Variants in CASR observed in about 807,000 individuals in gnomAD.
CASR encodes calcium sensing receptor.
CASR carries 23 observed loss-of-function variants against 69.1 expected under a neutral mutation model. The observed-to-expected ratio is 0.33, with a 90% CI of 0.24 to 0.47. The LOEUF (loss-of-function observed/expected upper bound fraction) is 0.47. CASR is among the 20% of genes least tolerant of loss of function. CASR has a pLI of 1.00. For missense variants in CASR, 924 were observed against 1,356.1 expected (o/e 0.68, Z 5.00); for synonymous variants, 541 against 544.7 (o/e 0.99, Z 0.10).
intron 1 of CASR, among the ~76,000 whole-genome samples, chr3:122,218,902 G>C (rs2074144365): frequency 6.6e-6 from 1 of 152,172 alleles, no homozygotes; most frequent in Non-Finnish European, 1.5e-5. Flanking sequence ...AGTAACTCAG[G>C]AGGAGGTGAC....
At chr3:122,202,962 G>A (rs9822643) in intron 1 of CASR, among the ~76,000 whole-genome samples, 2,728 of 152,228 alleles carry the variant, frequency 0.018, 76 homozygotes, top group African/African-American at 0.062. Context: ...TCAAGGTCCC[G>A]GGTATGCATG....
intron 6 of CASR, among the ~76,000 whole-genome samples, chr3:122,282,802 C>T (rs577484418): frequency 1.8e-4 from 27 of 152,334 alleles, no homozygotes; most frequent in Non-Finnish European, 2.9e-4. Flanking sequence ...GATATTATCT[C>T]ATGTTATCCT....
intron 1 of CASR, among the ~76,000 whole-genome samples, chr3:122,227,452 G>A (rs1025073593): frequency 6.6e-6 from 1 of 152,214 alleles, no homozygotes; most frequent in African/African-American, 2.4e-5. Context: ...GGGGCTTGCG[G>A]GCCAGCCAGC....
rs370494011 is a variant in CASR at position 122,275,284 on chromosome 3, C to T, written c.1378-528C>T. 1.5e-4 allele frequency among the ~76,000 whole-genome samples: 23 copies of T among 152,320 alleles called. No homozygotes were observed. In the East Asian group the frequency reaches 2.5e-3, roughly 17 times the overall value. On this transcript the variant is annotated intron_variant, in intron 4 of 6. Transcript: ENST00000639785. ...GACTCTGACAACAATAATGGCCGGG[C>T]TTTGCCCACAGCCTCATCTCTTTCT...
intron 3 of CASR, among the ~76,000 whole-genome samples, chr3:122,259,238 A>G (rs2074591582): frequency 6.6e-6 from 1 of 152,136 alleles, no homozygotes; most frequent in Non-Finnish European, 1.5e-5. Context: ...TTTTTATTCC[A>G]TTGAAGCCCT....
chr3:122,190,000 G>A (rs982298311), intron 1 of CASR, among the ~76,000 whole-genome samples: 1 of 152,178 alleles, frequency 6.6e-6, no homozygotes, highest in African/African-American at 2.4e-5. Context: ...ACTCAGAGAC[G>A]CCAGCTGTGG....
intron 1 of CASR, among the ~76,000 whole-genome samples, chr3:122,227,187 T>G (rs1457408391): frequency 2.6e-5 from 4 of 152,238 alleles, no homozygotes; most frequent in Non-Finnish European, 4.4e-5. Context: ...CAGGTGGAGC[T>G]GCCTGCCAGT....
intron 1 of CASR, among the ~76,000 whole-genome samples, chr3:122,214,914 A>G (rs1401963164): frequency 6.6e-6 from 1 of 152,200 alleles, no homozygotes; most frequent in Non-Finnish European, 1.5e-5. Context: ...TCAGTCATTT[A>G]TTAACCACAG....
At chr3:122,184,047 G>C (rs1468052923) in intron 1 of CASR, among the ~76,000 whole-genome samples, 1 of 152,112 alleles carries the variant, frequency 6.6e-6, no homozygotes, top group Non-Finnish European at 1.5e-5. Context: ...ACCTAAGCGC[G>C]GGGCTCGCCG....
intron 4 of CASR, among the ~76,000 whole-genome samples, chr3:122,267,253 G>T (rs959359538): frequency 1.3e-5 from 2 of 152,138 alleles, no homozygotes; most frequent in Non-Finnish European, 2.9e-5. Flanking sequence ...AAATATTAAA[G>T]ATGTTTAAAG....
chr3:122,282,576 T>G (rs1232603666), intron 6 of CASR, among the ~76,000 whole-genome samples: 3 of 152,204 alleles, frequency 2.0e-5, no homozygotes, highest in Non-Finnish European at 2.9e-5. Context: ...CATCATAGAA[T>G]TGCCTGCTGG....
intron 1 of CASR, among the ~76,000 whole-genome samples, chr3:122,248,021 C>A (rs1306065910): frequency 6.6e-6 from 1 of 152,190 alleles, no homozygotes; most frequent in African/African-American, 2.4e-5. Context: ...AAAAGTCACA[C>A]CTGTTGTCAG....
intron 4 of CASR, among the ~76,000 whole-genome samples, chr3:122,273,675 T>C (rs1576868409): frequency 6.6e-6 from 1 of 151,986 alleles, no homozygotes; most frequent in African/African-American, 2.4e-5. Context: ...TCATGGTAGG[T>C]CCCCAGCAGG....
At chr3:122,236,339 T>C (rs529397584) in intron 1 of CASR, among the ~76,000 whole-genome samples, 65 of 152,332 alleles carry the variant, frequency 4.3e-4, no homozygotes, top group African/African-American at 1.5e-3. Context: ...TGTTCCAAAA[T>C]TCATTCTTTA....
chr3:122,267,737 A>C (rs2074710649), intron 4 of CASR, among the ~76,000 whole-genome samples: 1 of 152,166 alleles, frequency 6.6e-6, no homozygotes, highest in African/African-American at 2.4e-5. Context: ...ATTCAGAACT[A>C]TACACTTAAA....
intron 1 of CASR, among the ~76,000 whole-genome samples, chr3:122,250,519 G>T (rs914718012): frequency 6.6e-6 from 1 of 152,122 alleles, no homozygotes; most frequent in Non-Finnish European, 1.5e-5. Flanking sequence ...TTAAAATTCT[G>T]AGTTCTTAAG....
intron 1 of CASR, among the ~76,000 whole-genome samples, chr3:122,222,212 G>T (rs1256190396): frequency 6.6e-6 from 1 of 152,148 alleles, no homozygotes; most frequent in Non-Finnish European, 1.5e-5. Flanking sequence ...GGGGGTAAAG[G>T]TAATTATCTC....
intron 1 of CASR, among the ~76,000 whole-genome samples, chr3:122,208,562 G>A (rs2074031570): frequency 6.6e-6 from 1 of 152,178 alleles, no homozygotes; most frequent in African/African-American, 2.4e-5. Context: ...GTCAGTAAAT[G>A]TGGTATTGGG....
intron 1 of CASR, among the ~76,000 whole-genome samples, chr3:122,231,255 A>G (rs1446720166): frequency 1.3e-5 from 2 of 152,184 alleles, no homozygotes; most frequent in Non-Finnish European, 2.9e-5. Context: ...CTGTCTCAGC[A>G]TCATACACTT....
Sources: gnomAD v4.1 joint callset for allele counts (sites outside exome capture counted in the v4.1 genomes callset) on GRCh38, gnomAD v4.1.1 for gene constraint, MANE v1.5 for transcripts, NCBI Gene and HGNC (gene_info 2026-07-23, HGNC 2026-07-21) for gene names.